The following CCAR1 variants were observed in gnomAD, a reference collection of about 807,000 sequenced individuals.
The protein encoded by CCAR1 is cell division cycle and apoptosis regulator protein 1.
In CCAR1, 78 loss-of-function variants were observed where a neutral mutation model predicts 163.8. That is an observed-to-expected ratio of 0.48 (90% CI 0.40 to 0.57). The LOEUF (loss-of-function observed/expected upper bound fraction) is 0.57, where lower values mean the gene tolerates loss of function less well. CCAR1 is among the 20% of genes least tolerant of loss of function. The pLI is 0.00. For synonymous variants in CCAR1, 443 were observed against 460.7 expected (o/e 0.96, Z 0.49); for missense variants, 1,019 against 1,365.2 (o/e 0.75, Z 4.00).
intron 8 of CCAR1, among the ~76,000 whole-genome samples, 181 bp downstream of exon 8, chr10:68,747,747 A>T (rs561078910): frequency 6.6e-6 from 1 of 152,364 alleles, no homozygotes; most frequent in East Asian, 1.9e-4. Context: ...GTGATAAGAA[A>T]TTAAAAGATA....
chr10:68,761,083 T>TGACAAAACAGCTTAAAGTAGAGG lies in CCAR1; in HGVS notation c.1998_2020dup (p.Glu674GlyfsTer7). 1 of 1,610,132 alleles carries TGACAAAACAGCTTAAAGTAGAGG rather than the reference T, an allele frequency of 6.2e-7. No homozygotes were observed. Among genetic ancestry groups the TGACAAAACAGCTTAAAGTAGAGG allele is most frequent in the Non-Finnish European group, 8.5e-7 (1 of 1,178,174 alleles). On this transcript the variant is annotated frameshift_variant, in exon 16 of 25. Transcript: ENST00000265872. LOFTEE classifies it high-confidence loss of function. ...TTAAAATCCCAGTTAATAGCCCGAT[T>TGACAAAACAGCTTAAAGTAGAGG]GACAAAACAGCTTAAAGTAGAGGAA... is the stretch of plus-strand genomic sequence containing the variant.
intron 15 of CCAR1, among the ~76,000 whole-genome samples, chr10:68,760,509 A>G (rs1308258897): frequency 4.6e-5 from 7 of 152,328 alleles, no homozygotes; most frequent in East Asian, 1.9e-4. Context: ...AAAATATTCT[A>G]TCATTTTGCA....
Position 68,791,296 on chromosome 10 carries a change from TTAAA to T in CCAR1, c.*34_*37del, listed in dbSNP as rs1418040093. 4 of 1,407,762 alleles carry T rather than the reference TTAAA, an allele frequency of 2.8e-6. No individual in the cohort carries two copies. The East Asian group carries it at 9.4e-5, about 33-fold the overall frequency. The allele number at this position is 1,407,762 out of a possible 1,614,324, so 87.2% of individuals were successfully genotyped here. A position where few individuals can be genotyped will look rare whatever the true frequency, so the allele number is the denominator to read the frequency against. ...ATCCATGTAGTGATGAGGAATGGTG[TTAAA>T]TAATGTAATATATAAAAATCATGAT... is the stretch of plus-strand genomic sequence containing the variant. On this transcript the variant is annotated 3_prime_UTR_variant, in exon 25 of 25. Transcript: ENST00000265872.
intron 9 of CCAR1, 62 bp from the exon 10 acceptor site, chr10:68,749,462 T>G: frequency 7.0e-7 from 1 of 1,435,096 alleles, no homozygotes; most frequent in Non-Finnish European, 9.5e-7. Context: ...TCTATTTACT[T>G]CATTGAAGAG....
chr10:68,756,685 C>A lies in CCAR1; in HGVS notation c.1836+202C>A. The stretch of plus-strand genomic sequence containing the variant: ...TCTTATTATCCTAACTTTAAGAGTG[C>A]TGAGACCTCAAAGGAAAATAAGTTG... On this transcript the variant is annotated intron_variant, in intron 14 of 24. Transcript: ENST00000265872. This position sits in a 1 kb window ranked among gnomAD's most constrained non-coding sequence, Gnocchi z 5.1. The A allele has an allele frequency of 1.5e-6, 1 of 660,980 alleles. No homozygotes were observed. 40.9% of individuals were successfully genotyped at this position (660,980 alleles called of 1,614,324 possible).
chr10:68,766,570 A>C (rs1298736195), intron 17 of CCAR1, among the ~76,000 whole-genome samples: 2 of 151,382 alleles, frequency 1.3e-5, no homozygotes, highest in Non-Finnish European at 2.9e-5. Context: ...CTTATTGTCC[A>C]GGCTGGAGTG....
At chr10:68,782,360 A>G (rs902901063) in intron 19 of CCAR1, among the ~76,000 whole-genome samples, 2 of 152,010 alleles carry the variant, frequency 1.3e-5, no homozygotes, top group African/African-American at 2.4e-5. Context: ...GCAGTGAGCT[A>G]TGATTACGCC....
At chr10:68,737,119 C>T in intron 3 of CCAR1, 71 bp downstream of exon 3, 2 of 980,334 alleles carry the variant, frequency 2.0e-6, no homozygotes, top group Non-Finnish European at 1.5e-6. Flanking sequence ...GCATTGCTAC[C>T]TTCATTTTAC....
chr10:68,729,647 C>T (rs1221467786), intron 2 of CCAR1, among the ~76,000 whole-genome samples: 1 of 150,266 alleles, frequency 6.7e-6, no homozygotes, highest in Non-Finnish European at 1.5e-5. Flanking sequence ...TGTGGTGGCA[C>T]ATGCCAGTAG....
chr10:68,778,943 C>T (rs548831296), intron 19 of CCAR1, among the ~76,000 whole-genome samples: 24 of 152,310 alleles, frequency 1.6e-4, no homozygotes, highest in African/African-American at 5.3e-4. Context: ...CTCCGCCTCC[C>T]GGATTCAAGC....
intron 11 of CCAR1, 36 bp from the exon 12 acceptor site, chr10:68,754,678 G>T (rs1305722802): frequency 2.8e-6 from 3 of 1,079,724 alleles, no homozygotes; most frequent in South Asian, 2.7e-5. Flanking sequence ...CATTACTTTA[G>T]ACTTTTGACA....
At chr10:68,766,743 C>G (rs1319106430) in intron 17 of CCAR1, among the ~76,000 whole-genome samples, 1 of 151,354 alleles carries the variant, frequency 6.6e-6, no homozygotes, top group Non-Finnish European at 1.5e-5. Context: ...TCACGCTGGT[C>G]TCGAACTCCA....
chr10:68,722,359 G>A (rs2055871312), intron 1 of CCAR1, 96 bp from the exon 2 acceptor site: 4 of 725,706 alleles, frequency 5.5e-6, no homozygotes, highest in Non-Finnish European at 7.5e-6. Flanking sequence ...CTGCGAAGAC[G>A]TCCTCGACAC....
rs2056312561 is a variant in CCAR1, at chr10:68,750,192, A to G, written c.1118+507A>G. Among the ~76,000 whole-genome samples the G allele has an allele frequency of 2.7e-5, 4 of 145,894 alleles. No homozygotes were observed. In the South Asian group the frequency reaches 8.7e-4, roughly 32 times the overall value. On this transcript the variant is annotated intron_variant, in intron 10 of 24. Transcript: ENST00000265872. ...GAATCAGAAGCCATGACAAATTACC[A>G]GAAATTTCTTTTTTCTTTTTTCTTT...
chr10:68,787,051 C>T (rs564222294), intron 21 of CCAR1: 95 of 175,718 alleles, frequency 5.4e-4, no homozygotes, highest in Non-Finnish European at 8.7e-4. Flanking sequence ...CGCCACTGCA[C>T]TCCAGCCTGG....
intron 17 of CCAR1, among the ~76,000 whole-genome samples, chr10:68,769,149 GTATT>G (rs1001315795): frequency 3.3e-5 from 5 of 152,102 alleles, no homozygotes; most frequent in Admixed American, 2.0e-4. Flanking sequence ...GCTAATTTTT[GTATT>G]TTTAGTAAAG....
At chr10:68,749,319 A>G (rs1327324410) in intron 9 of CCAR1, 54 bp downstream of exon 9, 1 of 1,506,572 alleles carries the variant, frequency 6.6e-7, no homozygotes, top group African/African-American at 1.4e-5. Flanking sequence ...CAACAATGGA[A>G]ACATAGTTAA....
intron 16 of CCAR1, among the ~76,000 whole-genome samples, chr10:68,763,270 C>T (rs905840426): frequency 6.6e-6 from 1 of 151,990 alleles, no homozygotes; most frequent in African/African-American, 2.4e-5. Context: ...TCTGCCTCAG[C>T]CTCCTGAGGA....
intron 4 of CCAR1, among the ~76,000 whole-genome samples, chr10:68,739,500 C>A (rs1304728041): frequency 6.6e-6 from 1 of 152,034 alleles, no homozygotes; most frequent in Non-Finnish European, 1.5e-5. Flanking sequence ...ACTTCTTTGT[C>A]CCTAGATCCA....
Sources: allele counts gnomAD v4.1 joint callset (sites outside exome capture counted in the v4.1 genomes callset), GRCh38; gene constraint gnomAD v4.1.1; non-coding constraint Gnocchi (gnomAD v3.1); transcripts MANE v1.5; gene names NCBI Gene and HGNC (gene_info 2026-07-23, HGNC 2026-07-21).